The following FAM98A variants were observed in gnomAD, a reference collection of about 807,000 sequenced individuals.
FAM98A encodes the protein tRNA splicing ligase complex subunit 3A.
A neutral mutation model predicts 62.9 loss-of-function variants in FAM98A; 25 were observed. The ratio of observed to expected loss-of-function variants is 0.40; its 90% CI spans 0.29 to 0.56. The LOEUF (loss-of-function observed/expected upper bound fraction) is 0.56, where lower values mean the gene tolerates loss of function less well. Among genes scored for constraint, FAM98A ranks in the 20% least tolerant of loss-of-function variants. The pLI is 0.51. For missense variants in FAM98A, 653 were observed against 640.7 expected, an observed-to-expected ratio of 1.02 and a Z score of -0.21; for synonymous variants, 252 against 228.6, an observed-to-expected ratio of 1.10 and a Z score of -0.92.
chr2:33,596,524 C>G (rs1238651947), intron 1 of FAM98A, among the ~76,000 whole-genome samples: 1 of 152,100 alleles, frequency 6.6e-6, no homozygotes, highest in Non-Finnish European at 1.5e-5. Context: ...ACATATTATT[C>G]AGATTGCTTT....
chr2:33,595,558 G>C lies in FAM98A; in HGVS notation c.133C>G (p.Leu45Val), dbSNP rs757978473. 1 of 1,610,946 alleles carries C rather than the reference G, an allele frequency of 6.2e-7. No individual in the cohort carries two copies. Among genetic ancestry groups the C allele is most frequent in the Non-Finnish European group, 8.5e-7 (1 of 1,178,900 alleles). Residue 45 changes from leucine to valine, a missense_variant, in exon 2 of 8, where the codon CTC (leucine) becomes GTC (valine). Leu to Val is a conservative substitution (Grantham distance 32). Coordinates refer to ENST00000238823, the MANE Select transcript of FAM98A (RefSeq NM_015475.5). ...AGASSPEFTK[L>V]CAWLVSELRV... ...AATTCAGACACCAGCCAAGCACAGA[G>C]TTTGGTAAACTCGGGGGAACTGGCT...
At chr2:33,593,900 T>C (rs1397586691) in intron 2 of FAM98A, among the ~76,000 whole-genome samples, 3 of 152,162 alleles carry the variant, frequency 2.0e-5, no homozygotes, top group South Asian at 4.1e-4. Context: ...AATAGAGGTA[T>C]CATCTAGTAC....
At chr2:33,599,048 C>A (rs1054341078) in intron 1 of FAM98A, 121 bp downstream of exon 1, 27 of 825,696 alleles carry the variant, frequency 3.3e-5, no homozygotes, top group African/African-American at 6.7e-5. Context: ...CAAAGGGAAG[C>A]GACAGCCAGG....
rs371527406 is a variant in FAM98A at position 33,585,581 on chromosome 2, T to A, written c.837A>T (p.Leu279Phe). ...CTCTTATAGAGCCGCTGCTTGTCCT[T>A]AAAATCTTTGACAAGTCCTGCCTTG... is the stretch of plus-strand genomic sequence containing the variant. ...LAARQDLSKI[L>F]RTSSGSIREK... The change falls in exon 7 of 8, where the codon TTA (leucine) becomes TTT (phenylalanine). Residue 279 changes from leucine to phenylalanine, a missense_variant. Coordinates refer to ENST00000238823, the MANE Select transcript of FAM98A (RefSeq NM_015475.5). 1 of 1,614,102 alleles carries A rather than the reference T, an allele frequency of 6.2e-7. No homozygotes were observed. Among genetic ancestry groups the A allele is most frequent in the Non-Finnish European group, 8.5e-7 (1 of 1,180,034 alleles).
intron 6 of FAM98A, among the ~76,000 whole-genome samples, chr2:33,586,027 T>C (rs1220899285): frequency 6.6e-6 from 1 of 152,226 alleles, no homozygotes; most frequent in Non-Finnish European, 1.5e-5. Flanking sequence ...ATTTTCTCTA[T>C]TTAAATATAA....
At chr2:33,587,968 G>T (rs1187116597) in intron 4 of FAM98A, 1 of 235,680 alleles carries the variant, frequency 4.2e-6, no homozygotes, top group Admixed American at 4.9e-5. Flanking sequence ...CAATGGGGAG[G>T]AGGGTGGTAA....
chr2:33,596,666 T>C (rs4670217), intron 1 of FAM98A, among the ~76,000 whole-genome samples: 116,238 of 151,988 alleles, frequency 0.76, 45,126 homozygotes, highest in African/African-American at 0.88. Context: ...CCGAGGCAGG[T>C]GGATCACGAG....
chr2:33,594,033 C>T (rs1246489887), intron 2 of FAM98A, among the ~76,000 whole-genome samples: 1 of 152,168 alleles, frequency 6.6e-6, no homozygotes, highest in African/African-American at 2.4e-5. Flanking sequence ...GGCTTCACCC[C>T]TACAGGTTGT....
At chr2:33,593,051 T>G (rs942890720) in intron 2 of FAM98A, among the ~76,000 whole-genome samples, 4 of 152,186 alleles carry the variant, frequency 2.6e-5, no homozygotes, top group Admixed American at 2.6e-4. Flanking sequence ...TGGCTGAAAC[T>G]TCACCCTCGT....
chr2:33,588,715 G>A (rs1433116788), intron 3 of FAM98A, 196 bp from the exon 4 acceptor site: 3 of 397,826 alleles, frequency 7.5e-6, no homozygotes, highest in East Asian at 3.7e-5. Context: ...TTATTTAAGC[G>A]ATATATAATG....
intron 4 of FAM98A, among the ~76,000 whole-genome samples, chr2:33,587,893 T>A (rs1404174933): frequency 6.6e-6 from 1 of 151,326 alleles, no homozygotes; most frequent in African/African-American, 2.4e-5. Flanking sequence ...ATTTTGTCAA[T>A]TGAAGCATGA....
chr2:33,592,297 G>C, intron 2 of FAM98A, 83 bp from the exon 3 acceptor site: 1 of 1,111,286 alleles, frequency 9.0e-7, no homozygotes, highest in South Asian at 1.7e-5. Context: ...AATTGAAATT[G>C]TTAATAGGAT....
intron 4 of FAM98A, 153 bp downstream of exon 4, chr2:33,588,181 CT>C: frequency 1.6e-6 from 1 of 638,442 alleles, no homozygotes. Context: ...TTTAAGGCAT[CT>C]AGGATTTAAA....
chr2:33,590,157 A>C (rs780026424), intron 3 of FAM98A, among the ~76,000 whole-genome samples: 1 of 152,208 alleles, frequency 6.6e-6, no homozygotes, highest in Non-Finnish European at 1.5e-5. Flanking sequence ...CAAAAATAAA[A>C]GATGAATAGT....
At chr2:33,594,712 C>A (rs1677763381) in intron 2 of FAM98A, among the ~76,000 whole-genome samples, 1 of 138,086 alleles carries the variant, frequency 7.2e-6, no homozygotes, top group Non-Finnish European at 1.6e-5. Context: ...TATATACACA[C>A]ACACACACAC....
Position 33,588,436 on chromosome 2 carries a change from C to T in FAM98A, c.421G>A (p.Glu141Lys). 1 of 1,613,728 alleles carries T rather than the reference C, an allele frequency of 6.2e-7. No homozygotes were observed. The highest frequency in any genetic ancestry group is 8.5e-7 in the Non-Finnish European group (1 of 1,179,746). The change falls in exon 4 of 8, where the codon GAG (glutamate) becomes AAG (lysine). Residue 141 changes from glutamate (E) to lysine (K), a missense_variant. By Grantham distance (56) the Glu-to-Lys change is moderately conservative. Coordinates refer to ENST00000238823, the MANE Select transcript of FAM98A (RefSeq NM_015475.5). The stretch of plus-strand genomic sequence containing the variant: ...ATGCCTTTCAACTCTTGAAAGACCT[C>T]ACTACCGCCTCCTTCTTGAGCTTTT... ...PKKAQEGGGS[E>K]VFQELKGICI...
At position 33,585,521 on chromosome 2, in the gene FAM98A, T is replaced by G. The variant is rs759190639; in HGVS notation, c.888+9A>C. On this transcript the variant is annotated intron_variant, in intron 7 of 7. Coordinates refer to ENST00000238823, the MANE Select transcript of FAM98A (RefSeq NM_015475.5). ...TGCATTTGGAAAAAATTAAAGGTAC[T>G]CTAATCACCTTATTGATGGCACAGG... 1 of 1,614,138 alleles carries G rather than the reference T, an allele frequency of 6.2e-7. No homozygotes were observed. Among genetic ancestry groups the G allele is most frequent in the Non-Finnish European group, 8.5e-7 (1 of 1,179,996 alleles).
chr2:33,588,244 C>T, intron 4 of FAM98A, 91 bp downstream of exon 4: 2 of 1,003,010 alleles, frequency 2.0e-6, no homozygotes, highest in Non-Finnish European at 1.5e-6. Context: ...ACATTAGGTT[C>T]CCATTAAGAG....
At chr2:33,593,836 T>C (rs1677729680) in intron 2 of FAM98A, among the ~76,000 whole-genome samples, 1 of 152,218 alleles carries the variant, frequency 6.6e-6, no homozygotes, top group Non-Finnish European at 1.5e-5. Flanking sequence ...CTAACCTGTT[T>C]TACATGTTAG....
Sources: allele counts gnomAD v4.1 joint callset (sites outside exome capture counted in the v4.1 genomes callset), GRCh38; gene constraint gnomAD v4.1.1; transcripts MANE v1.5; gene names NCBI Gene and HGNC (gene_info 2026-07-23, HGNC 2026-07-21).